Variants in GRM7 observed in about 807,000 individuals in gnomAD.
GRM7 encodes glutamate metabotropic receptor 7.
A neutral mutation model predicts 84.5 loss-of-function variants in GRM7; 35 were observed. The observed-to-expected ratio is 0.41, with a 90% CI of 0.32 to 0.55. The LOEUF (loss-of-function observed/expected upper bound fraction) is 0.55, where lower values mean the gene tolerates loss of function less well. Among genes scored for constraint, GRM7 ranks in the 20% least tolerant of loss-of-function variants. The probability of loss-of-function intolerance (pLI) is 0.19; values close to 1 mark genes in which losing one functional copy is unlikely to be tolerated. For missense variants in GRM7, 1,003 were observed against 1,194.6 expected (o/e 0.84, Z 2.36); for synonymous variants, 487 against 455.1 (o/e 1.07, Z -0.89).
chr3:6,885,812 A>G (rs2124971716), intron 1 of GRM7, among the ~76,000 whole-genome samples: 1 of 152,344 alleles, frequency 6.6e-6, no homozygotes, highest in East Asian at 1.9e-4. Flanking sequence ...CATTACAAGT[A>G]AACAGTGCCA....
Position 7,555,451 on chromosome 3 carries a change from G to C in GRM7, c.1516-22971G>C, listed in dbSNP as rs1693712839. On this transcript the variant is annotated intron_variant, in intron 7 of 9. Transcript: ENST00000357716. ...AGCCTACAAACAAGGACTCCAATGG[G>C]GTAGATACATGATTTTCATTTTAAC... is the stretch of plus-strand genomic sequence containing the variant. Among the ~76,000 whole-genome samples, 3 of 152,114 alleles carry C rather than the reference G, an allele frequency of 2.0e-5. No individual in the cohort carries two copies. The South Asian group carries it at 6.2e-4, about 32-fold the overall frequency.
At chr3:7,548,690 C>T (rs998277293) in intron 7 of GRM7, among the ~76,000 whole-genome samples, 11 of 152,160 alleles carry the variant, frequency 7.2e-5, no homozygotes, top group Admixed American at 5.9e-4. Context: ...AGGACTACCT[C>T]CCATTTATCT....
chr3:6,993,077 C>T (rs1259664198), intron 1 of GRM7, among the ~76,000 whole-genome samples: 1 of 152,192 alleles, frequency 6.6e-6, no homozygotes, highest in Non-Finnish European at 1.5e-5. Context: ...ACAATCATGG[C>T]AGAAGCGAAA....
chr3:6,932,326 C>T (rs543295225), intron 1 of GRM7, among the ~76,000 whole-genome samples: 2 of 152,258 alleles, frequency 1.3e-5, no homozygotes, highest in Non-Finnish European at 2.9e-5. Flanking sequence ...CTTGATATAT[C>T]CCCATTTATT....
chr3:7,684,955 T>C (rs1215052632), intron 9 of GRM7, among the ~76,000 whole-genome samples: 1 of 152,224 alleles, frequency 6.6e-6, no homozygotes, highest in Admixed American at 6.5e-5. Flanking sequence ...TGATGATGCC[T>C]TCTCACATTC....
At chr3:7,461,201 G>A (rs976474307) in intron 6 of GRM7, among the ~76,000 whole-genome samples, 1 of 152,102 alleles carries the variant, frequency 6.6e-6, no homozygotes, top group Admixed American at 6.6e-5. Context: ...CGAAAATTTA[G>A]TGTTAGATGG....
At chr3:6,973,440 C>G (rs1022994979) in intron 1 of GRM7, among the ~76,000 whole-genome samples, 9 of 152,072 alleles carry the variant, frequency 5.9e-5, no homozygotes, top group African/African-American at 2.2e-4. Flanking sequence ...CACATACAAA[C>G]ACACACATGT....
At chr3:6,973,946 AT>A (rs1290342002) in intron 1 of GRM7, among the ~76,000 whole-genome samples, 8 of 152,168 alleles carry the variant, frequency 5.3e-5, no homozygotes, top group African/African-American at 1.7e-4. Flanking sequence ...TTAAGAATTG[AT>A]TGTATGAGAG....
At chr3:7,543,040 C>T (rs762963420) in intron 7 of GRM7, among the ~76,000 whole-genome samples, 1 of 152,112 alleles carries the variant, frequency 6.6e-6, no homozygotes, top group Non-Finnish European at 1.5e-5. Flanking sequence ...GTGCTTATCA[C>T]AAGAAGTTTT....
chr3:6,894,530 G>A (rs950747402), intron 1 of GRM7, among the ~76,000 whole-genome samples: 3 of 151,976 alleles, frequency 2.0e-5, no homozygotes, highest in Non-Finnish European at 2.9e-5. Context: ...CATTGTAATT[G>A]TAATATATAC....
intron 4 of GRM7, among the ~76,000 whole-genome samples, chr3:7,359,684 T>C (rs1216967878): frequency 6.7e-6 from 1 of 148,290 alleles, no homozygotes; most frequent in East Asian, 1.9e-4. Flanking sequence ...CAGACTTTTC[T>C]GTTCTCTTTC....
intron 8 of GRM7, among the ~76,000 whole-genome samples, chr3:7,650,108 C>T (rs1026500346): frequency 1.3e-4 from 20 of 152,168 alleles, no homozygotes; most frequent in Non-Finnish European, 2.5e-4. Context: ...AACCTTTTAT[C>T]CTACGCAAGG....
chr3:7,272,519 T>G (rs1016493638), intron 2 of GRM7, among the ~76,000 whole-genome samples: 2 of 152,292 alleles, frequency 1.3e-5, no homozygotes, highest in African/African-American at 2.4e-5. Context: ...AATTATTGTT[T>G]CAATTTCCTT....
At chr3:6,961,849 T>A (rs910997206) in intron 1 of GRM7, among the ~76,000 whole-genome samples, 1 of 152,134 alleles carries the variant, frequency 6.6e-6, no homozygotes, top group Non-Finnish European at 1.5e-5. Flanking sequence ...GCTCAGCATA[T>A]GGATCTGTAC....
At chr3:6,941,013 G>A (rs711632) in intron 1 of GRM7, among the ~76,000 whole-genome samples, 152,212 of 152,326 alleles carry the variant, frequency 1, 76,050 homozygotes, top group Middle Eastern at 1. Flanking sequence ...TGTGTTTGCC[G>A]CCTGTGGCCA....
intron 1 of GRM7, among the ~76,000 whole-genome samples, chr3:6,918,534 C>G (rs866577977): frequency 6.6e-6 from 1 of 152,164 alleles, no homozygotes; most frequent in Non-Finnish European, 1.5e-5. Context: ...CTCTTGATGC[C>G]TGTTTCCCCT....
At chr3:6,963,842 T>C (rs893035812) in intron 1 of GRM7, among the ~76,000 whole-genome samples, 3 of 152,180 alleles carry the variant, frequency 2.0e-5, no homozygotes, top group Non-Finnish European at 4.4e-5. Flanking sequence ...GTGAGAAATA[T>C]ATGCTTATTT....
At chr3:7,458,668 G>A (rs892981377) in intron 6 of GRM7, among the ~76,000 whole-genome samples, 1 of 152,106 alleles carries the variant, frequency 6.6e-6, no homozygotes, top group South Asian at 2.1e-4. Context: ...AGGTGATGGG[G>A]CCCATTCTGA....
intron 7 of GRM7, among the ~76,000 whole-genome samples, chr3:7,528,505 G>A (rs1700896054): frequency 6.6e-6 from 1 of 151,882 alleles, no homozygotes; most frequent in African/African-American, 2.4e-5. Flanking sequence ...GATTTTTGGG[G>A]TCTCAGTTTT....
Sources: gnomAD v4.1 joint callset for allele counts (sites outside exome capture counted in the v4.1 genomes callset) on GRCh38, gnomAD v4.1.1 for gene constraint, MANE v1.5 for transcripts, NCBI Gene and HGNC (gene_info 2026-07-23, HGNC 2026-07-21) for gene names.